Variants in RASAL2 observed in about 807,000 individuals in gnomAD.
The protein encoded by RASAL2 is ras GTPase-activating protein nGAP.
A neutral mutation model predicts 128.9 loss-of-function variants in RASAL2; 58 were observed. That is an observed-to-expected ratio of 0.45 (90% CI 0.36 to 0.56). RASAL2 has a LOEUF of 0.56. Among genes scored for constraint, RASAL2 ranks in the 20% least tolerant of loss-of-function variants. The pLI, the probability that RASAL2 is intolerant of heterozygous loss-of-function variation, is 0.00. For synonymous variants in RASAL2, 561 were observed against 580.8 expected (o/e 0.97, Z 0.49); for missense variants, 1,360 against 1,601.6 (o/e 0.85, Z 2.57).
At position 178,272,931 on chromosome 1, in the gene RASAL2, T is replaced by TA. The variant is rs532480881; in HGVS notation, c.203-10619dup. Among the ~76,000 whole-genome samples, 418 of 143,012 alleles carry TA rather than the reference T, an allele frequency of 2.9e-3. 1 individual carries two copies. Among genetic ancestry groups the TA allele is most frequent in the East Asian group, 9.3e-3 (46 of 4,920 alleles). 93.8% of individuals were successfully genotyped at this position (143,012 alleles called of 152,430 possible). On this transcript the variant is annotated intron_variant, in intron 1 of 17. Transcript: ENST00000367649. ...TGGGTGACAGAATGAGATTCCACCTTAAAAAAAAAAAAAATCCAAATATTT... is the reference window on the plus strand; with the variant it reads ...TGGGTGACAGAATGAGATTCCACCTTAAAAAAAAAAAAAAATCCAAATATTT...
chr1:178,219,674 T>G (rs1213937513), intron 1 of RASAL2, among the ~76,000 whole-genome samples: 1 of 151,838 alleles, frequency 6.6e-6, no homozygotes, highest in Non-Finnish European at 1.5e-5. Flanking sequence ...GAAAAATAAT[T>G]TTTCCATTTA....
chr1:178,323,474 A>T (rs866110172), intron 3 of RASAL2, among the ~76,000 whole-genome samples: 3 of 152,224 alleles, frequency 2.0e-5, no homozygotes, highest in Non-Finnish European at 4.4e-5. Flanking sequence ...AAATTAGAGA[A>T]TTACTAAATA....
Position 178,442,752 on chromosome 1 carries a change from T to C in RASAL2, c.1005T>C (p.Tyr335=), listed in dbSNP as rs776945763. The change falls in exon 8 of 18, where the codon TAT becomes TAC. Residue 335 remains tyrosine (Y), a synonymous_variant. Transcript: ENST00000367649. ...EAKDLAPKKK[Y]FCELCLDDTL... The stretch of plus-strand genomic sequence containing the variant: ...AGGACCTTGCCCCTAAAAAGAAATA[T>C]TTCTGCGAACTGTGCCTTGATGATA... The C allele has an allele frequency of 1.5e-5, 24 of 1,613,788 alleles. No homozygotes were observed. The highest frequency in any genetic ancestry group is 1.6e-4 in the Middle Eastern group (1 of 6,084).
intron 1 of RASAL2, among the ~76,000 whole-genome samples, chr1:178,156,688 C>A (rs1661096084): frequency 6.6e-6 from 1 of 152,038 alleles, no homozygotes; most frequent in South Asian, 2.1e-4. Flanking sequence ...TTAACGTGAC[C>A]TGTTGAGTAG....
chr1:178,234,314 G>A (rs1252741248), intron 1 of RASAL2, among the ~76,000 whole-genome samples: 1 of 152,118 alleles, frequency 6.6e-6, no homozygotes, highest in Non-Finnish European at 1.5e-5. Context: ...AATGTTATTA[G>A]TGAGAAATGT....
At chr1:178,142,024 A>C (rs1315444683) in intron 1 of RASAL2, among the ~76,000 whole-genome samples, 2 of 152,070 alleles carry the variant, frequency 1.3e-5, no homozygotes, top group Non-Finnish European at 2.9e-5. Context: ...TGAGAGTGAA[A>C]GGGGGTAAGA....
chr1:178,446,312 C>T (rs1557996576), intron 9 of RASAL2, among the ~76,000 whole-genome samples: 1 of 152,142 alleles, frequency 6.6e-6, no homozygotes, highest in African/African-American at 2.4e-5. Flanking sequence ...ACCTCCATAT[C>T]CCCACTACCT....
At chr1:178,470,117 CT>C (rs1423833373) in intron 17 of RASAL2, among the ~76,000 whole-genome samples, 3 of 152,192 alleles carry the variant, frequency 2.0e-5, no homozygotes, top group Non-Finnish European at 4.4e-5. Context: ...CAGATCCTTT[CT>C]TTTGTAAGGA....
chr1:178,443,676 T>C (rs1212017184), intron 8 of RASAL2, among the ~76,000 whole-genome samples: 3 of 152,176 alleles, frequency 2.0e-5, no homozygotes, highest in East Asian at 3.8e-4. Flanking sequence ...GCAAGAGTCT[T>C]TGTGGGATTA....
chr1:178,135,807 A>G (rs1483919221), intron 1 of RASAL2, among the ~76,000 whole-genome samples: 1 of 152,214 alleles, frequency 6.6e-6, no homozygotes, highest in Admixed American at 6.5e-5. Context: ...CATGGATGGC[A>G]GTAGGCAAAG....
intron 3 of RASAL2, among the ~76,000 whole-genome samples, chr1:178,387,644 G>A (rs953221283): frequency 2.0e-5 from 3 of 151,622 alleles, no homozygotes; most frequent in African/African-American, 4.9e-5. Context: ...TTGTCCTTGC[G>A]ATAGTTTGCT....
rs546115343 is a variant in RASAL2, at chr1:178,318,787, A to G, written c.457+18669A>G. On this transcript the variant is annotated intron_variant, in intron 3 of 17. Coordinates refer to ENST00000367649, the MANE Select transcript of RASAL2 (RefSeq NM_170692.4). ...GTCTTTTAATTGGAGCATTTAGTCC[A>G]TTTATATTTAAAGTTAATATTGTTA... is the stretch of plus-strand genomic sequence containing the variant. Among the ~76,000 whole-genome samples the G allele has an allele frequency of 3.3e-5, 5 of 152,130 alleles. No individual in the cohort carries two copies. In the South Asian group the frequency reaches 1.0e-3, roughly 32 times the overall value.
At chr1:178,168,500 T>A (rs2101906856) in intron 1 of RASAL2, among the ~76,000 whole-genome samples, 1 of 152,234 alleles carries the variant, frequency 6.6e-6, no homozygotes, top group Non-Finnish European at 1.5e-5. Context: ...CAGAAGTTTT[T>A]ACTGGTAATC....
chr1:178,125,839 CAG>C (rs1036970821), intron 1 of RASAL2, among the ~76,000 whole-genome samples: 3 of 152,058 alleles, frequency 2.0e-5, no homozygotes, highest in Non-Finnish European at 2.9e-5. Flanking sequence ...TCTAGAATAG[CAG>C]AGAGTTCATT....
intron 2 of RASAL2, among the ~76,000 whole-genome samples, chr1:178,294,249 CT>C (rs1431053929): frequency 1.3e-5 from 2 of 152,158 alleles, no homozygotes; most frequent in Admixed American, 1.3e-4. Context: ...AACAGATACA[CT>C]GAGAATGATG....
At chr1:178,330,200 A>G (rs1669227598) in intron 3 of RASAL2, among the ~76,000 whole-genome samples, 1 of 152,172 alleles carries the variant, frequency 6.6e-6, no homozygotes. Context: ...TTTTCTCAAA[A>G]TTGTTTGATT....
chr1:178,168,415 C>T lies in RASAL2; in HGVS notation c.202+73721C>T, dbSNP rs544555535. 1.3e-4 allele frequency among the ~76,000 whole-genome samples: 19 copies of T among 150,790 alleles called. No homozygotes were observed. In the East Asian group the frequency reaches 3.7e-3, roughly 29 times the overall value. ...TTACTACTATAAATCTTTTTTTTTC[C>T]GTTTTATACCTTTAGCTTAATTTCT... On this transcript the variant is annotated intron_variant, in intron 1 of 17. Transcript: ENST00000367649.
At chr1:178,323,464 A>C (rs1270370509) in intron 3 of RASAL2, among the ~76,000 whole-genome samples, 1 of 152,226 alleles carries the variant, frequency 6.6e-6, no homozygotes, top group Non-Finnish European at 1.5e-5. Flanking sequence ...TTTAGTAATG[A>C]AATTAGAGAA....
intron 1 of RASAL2, among the ~76,000 whole-genome samples, chr1:178,140,237 A>T (rs1442347147): frequency 6.6e-6 from 1 of 152,182 alleles, no homozygotes; most frequent in Non-Finnish European, 1.5e-5. Context: ...TTGTGCAGAA[A>T]ATACAGAGAG....
Sources: allele counts gnomAD v4.1 joint callset (sites outside exome capture counted in the v4.1 genomes callset), GRCh38; gene constraint gnomAD v4.1.1; transcripts MANE v1.5; gene names NCBI Gene and HGNC (gene_info 2026-07-23, HGNC 2026-07-21).